Variants in RBPMS observed in about 807,000 individuals in gnomAD.
The protein encoded by RBPMS is RNA binding protein, mRNA processing factor, also known as RNA-binding protein with multiple splicing.
A neutral mutation model predicts 26.8 loss-of-function variants in RBPMS; 7 were observed. The ratio of observed to expected loss-of-function variants is 0.26; its 90% CI spans 0.15 to 0.49. The LOEUF (loss-of-function observed/expected upper bound fraction) is 0.49, where lower values mean the gene tolerates loss of function less well. RBPMS is among the 20% of genes least tolerant of loss of function. RBPMS has a pLI of 0.98. For synonymous variants in RBPMS, 96 were observed against 93.3 expected (o/e 1.03, Z -0.17); for missense variants, 186 against 250.0 (o/e 0.74, Z 1.73).
intron 5 of RBPMS, among the ~76,000 whole-genome samples, chr8:30,508,094 A>G (rs531051006): frequency 6.6e-6 from 1 of 152,254 alleles, no homozygotes; most frequent in African/African-American, 2.4e-5. Context: ...TGGGGCCCTT[A>G]GGGGTGGAGC....
At chr8:30,462,388 A>T (rs567034749) in intron 1 of RBPMS, among the ~76,000 whole-genome samples, 1 of 152,288 alleles carries the variant, frequency 6.6e-6, no homozygotes, top group South Asian at 2.1e-4. Context: ...AACAAACAGG[A>T]ATATTATAAA....
intron 6 of RBPMS, chr8:30,552,620 C>G (rs1826488500): frequency 6.6e-6 from 1 of 152,204 alleles, no homozygotes; most frequent in Non-Finnish European, 1.5e-5. Flanking sequence ...ATATGGATGA[C>G]AAGCAACCAC....
chr8:30,446,832 T>TGTGTGTGTGC (rs1563326322), intron 1 of RBPMS: 2 of 100,364 alleles, frequency 2.0e-5, no homozygotes, highest in African/African-American at 1.0e-4. Flanking sequence ...TGTGTGTGTG[T>TGTGTGTGTGC]GTGTGTGTGT....
At chr8:30,444,182 C>T (rs1016192589) in intron 1 of RBPMS, among the ~76,000 whole-genome samples, 5 of 152,198 alleles carry the variant, frequency 3.3e-5, no homozygotes, top group African/African-American at 9.7e-5. Context: ...AGGTGTGAGC[C>T]ACCACACCCT....
In RBPMS at chr8:30,507,236, C is replaced by T. The variant is rs574825216; in HGVS notation, c.397+2800C>T. ...TGCCAATTATTGACAAGCTTTGTGACCTTTAAGAGAAAAAAATTTTTTTCA... is the reference window on the plus strand; with the variant it reads ...TGCCAATTATTGACAAGCTTTGTGATCTTTAAGAGAAAAAAATTTTTTTCA... On this transcript the variant is annotated intron_variant, in intron 5 of 8. Coordinates refer to ENST00000397323, the MANE Select transcript of RBPMS (RefSeq NM_001008710.3). Among the ~76,000 whole-genome samples the T allele has an allele frequency of 8.3e-4, 127 of 152,172 alleles. 1 individual carries two copies. The highest frequency in any genetic ancestry group is 1.7e-3 in the Admixed American group (26 of 15,286).
At chr8:30,447,316 T>G (rs191104187) in intron 1 of RBPMS, among the ~76,000 whole-genome samples, 15 of 152,338 alleles carry the variant, frequency 9.8e-5, no homozygotes, top group Non-Finnish European at 2.1e-4. Context: ...ACCTGTACAG[T>G]ATTAACTAGC....
chr8:30,513,950 CTG>C (rs1822013771), intron 5 of RBPMS, among the ~76,000 whole-genome samples: 1 of 152,172 alleles, frequency 6.6e-6, no homozygotes, highest in East Asian at 1.9e-4. Context: ...TGGTTGGTCT[CTG>C]AGATTCCTTA....
Position 30,419,425 on chromosome 8 carries a change from G to A in RBPMS, c.66+34267G>A, listed in dbSNP as rs193197443. On this transcript the variant is annotated intron_variant, in intron 1 of 8. Transcript: ENST00000397323. ...CATGCCATTGCACTCCAGCCTGGGCGACAGAGTGAGATTGCATCTCAAAAA... is the reference window on the plus strand; with the variant it reads ...CATGCCATTGCACTCCAGCCTGGGCAACAGAGTGAGATTGCATCTCAAAAA... Among the ~76,000 whole-genome samples the A allele has an allele frequency of 8.1e-3, 1,122 of 138,662 alleles. 7 individuals are homozygous for A. The highest frequency in any genetic ancestry group is 0.03 in the Middle Eastern group (8 of 266). 91.0% of individuals were successfully genotyped at this position (138,662 alleles called of 152,430 possible).
intron 7 of RBPMS, chr8:30,565,504 T>G (rs1443521322): frequency 6.6e-6 from 1 of 152,094 alleles, no homozygotes; most frequent in Non-Finnish European, 1.5e-5. Flanking sequence ...ATGCAGGGAG[T>G]TGGGCTTCCT....
chr8:30,560,090 C>T (rs796913168), intron 7 of RBPMS, among the ~76,000 whole-genome samples: 9 of 152,164 alleles, frequency 5.9e-5, no homozygotes, highest in African/African-American at 1.9e-4. Context: ...GAGCTGAACT[C>T]GCGCAGGTCA....
intron 4 of RBPMS, among the ~76,000 whole-genome samples, chr8:30,481,235 A>G (rs771600443): frequency 1.3e-5 from 2 of 152,218 alleles, no homozygotes; most frequent in Non-Finnish European, 2.9e-5. Flanking sequence ...CAGAGTGTTG[A>G]GATTACAAGC....
chr8:30,536,434 C>T (rs1824809306), intron 5 of RBPMS, among the ~76,000 whole-genome samples: 1 of 152,116 alleles, frequency 6.6e-6, no homozygotes, highest in Non-Finnish European at 1.5e-5. Flanking sequence ...GCGAGATCAT[C>T]TCTTTTTATG....
chr8:30,500,981 T>C (rs994459488), intron 4 of RBPMS, among the ~76,000 whole-genome samples: 24 of 152,064 alleles, frequency 1.6e-4, no homozygotes, highest in African/African-American at 4.8e-4. Flanking sequence ...GATTCTCAAA[T>C]GTGGTCCCTA....
intron 1 of RBPMS, among the ~76,000 whole-genome samples, chr8:30,422,451 A>G (rs895994125): frequency 3.3e-5 from 5 of 151,984 alleles, no homozygotes; most frequent in Non-Finnish European, 5.9e-5. Flanking sequence ...AAATTTTCTT[A>G]GTAATAGAGG....
intron 1 of RBPMS, among the ~76,000 whole-genome samples, chr8:30,426,086 G>A (rs989680316): frequency 1.3e-5 from 2 of 152,158 alleles, no homozygotes; most frequent in East Asian, 1.9e-4. Flanking sequence ...CTTTAAAGAC[G>A]CAGCACGGAG....
chr8:30,527,775 G>T (rs1361262180), intron 5 of RBPMS, among the ~76,000 whole-genome samples: 2 of 152,210 alleles, frequency 1.3e-5, no homozygotes, highest in African/African-American at 4.8e-5. Flanking sequence ...AGCTGGGTAG[G>T]TTTAGCTCTT....
intron 1 of RBPMS, among the ~76,000 whole-genome samples, chr8:30,416,466 G>A (rs1312178837): frequency 6.6e-6 from 1 of 151,796 alleles, no homozygotes; most frequent in Non-Finnish European, 1.5e-5. Context: ...CTAGTAACAG[G>A]TGCCCACCAC....
chr8:30,515,014 C>T (rs528704949), intron 5 of RBPMS, among the ~76,000 whole-genome samples: 1 of 152,174 alleles, frequency 6.6e-6, no homozygotes, highest in Admixed American at 6.5e-5. Context: ...TTATTAGAGA[C>T]CATGTCTCAC....
chr8:30,390,912 G>A (rs987897260), intron 1 of RBPMS, among the ~76,000 whole-genome samples: 1 of 152,156 alleles, frequency 6.6e-6, no homozygotes, highest in African/African-American at 2.4e-5. Flanking sequence ...GGTGAGGTTG[G>A]TGATTATGAG....
Sources: gnomAD v4.1 joint callset for allele counts (sites outside exome capture counted in the v4.1 genomes callset) on GRCh38, gnomAD v4.1.1 for gene constraint, MANE v1.5 for transcripts, NCBI Gene and HGNC (gene_info 2026-07-23, HGNC 2026-07-21) for gene names.